PPARD: variants seen among roughly 807,000 people sequenced by gnomAD.
PPARD encodes the protein peroxisome proliferator-activated receptor delta.
Under a neutral mutation model 39.5 loss-of-function variants are expected in PPARD, and 6 were observed. The ratio of observed to expected loss-of-function variants is 0.15; its 90% confidence interval spans 0.08 to 0.30. PPARD has a LOEUF of 0.30. PPARD is among the 10% of genes least tolerant of loss of function. The pLI, the probability that PPARD is intolerant of heterozygous loss-of-function variation, is 1.00. For synonymous variants in PPARD, 210 were observed against 231.3 expected (o/e 0.91, Z 0.83); for missense variants, 397 against 596.8 (o/e 0.67, Z 3.49).
chr6:35,416,826 C>G (rs1765803343), intron 3 of PPARD, among the ~76,000 whole-genome samples: 1 of 152,190 alleles, frequency 6.6e-6, no homozygotes, highest in Non-Finnish European at 1.5e-5. Context: ...TCTTACTGCC[C>G]CTTACCTGGC....
intron 3 of PPARD, among the ~76,000 whole-genome samples, chr6:35,415,967 G>A (rs181827070): frequency 3.2e-4 from 48 of 152,256 alleles, no homozygotes; most frequent in African/African-American, 4.1e-4. Context: ...GTGGGGCCAC[G>A]GTAGGCACTC....
chr6:35,347,238 T>A, intron 2 of PPARD, 88 bp downstream of exon 2: 1 of 1,452,444 alleles, frequency 6.9e-7, no homozygotes, highest in African/African-American at 1.4e-5. Flanking sequence ...ATGAAATAAT[T>A]TCACTAGGGC....
intron 2 of PPARD, among the ~76,000 whole-genome samples, chr6:35,406,157 C>G (rs1227258138): frequency 6.6e-6 from 1 of 152,194 alleles, no homozygotes. Flanking sequence ...AACTCCTAGC[C>G]TCATGTGATC....
chr6:35,397,275 G>A (rs924957355), intron 2 of PPARD, among the ~76,000 whole-genome samples: 3 of 149,768 alleles, frequency 2.0e-5, no homozygotes, highest in African/African-American at 7.4e-5. Flanking sequence ...CAAGAGGATT[G>A]TATAGTTTAA....
At chr6:35,347,263 C>A in intron 2 of PPARD, 113 bp downstream of exon 2, 2 of 1,310,250 alleles carry the variant, frequency 1.5e-6, no homozygotes, top group Non-Finnish European at 2.1e-6. Flanking sequence ...TCCCAGATTC[C>A]AGGTTCCTGT....
At chr6:35,354,697 C>T (rs1219894348) in intron 2 of PPARD, among the ~76,000 whole-genome samples, 2 of 152,098 alleles carry the variant, frequency 1.3e-5, no homozygotes, top group African/African-American at 4.8e-5. Context: ...TGATGTTGCC[C>T]GTAGGCTCAT....
chr6:35,397,929 T>C (rs1318498034), intron 2 of PPARD, among the ~76,000 whole-genome samples: 1 of 151,952 alleles, frequency 6.6e-6, no homozygotes, highest in African/African-American at 2.4e-5. Flanking sequence ...GGTGGGTAAC[T>C]GGGGAGGGGG....
Position 35,424,760 on chromosome 6 carries a change from G to A in PPARD, c.1059G>A (p.Ala353=), listed in dbSNP as rs139511972. The A allele has an allele frequency of 1.2e-4, 196 of 1,614,120 alleles. No homozygotes were observed. The highest frequency in any genetic ancestry group is 4.8e-4 in the Admixed American group (29 of 60,024). The change falls in exon 7 of 8, where the codon GCG becomes GCA. Residue 353 remains alanine (A), a synonymous_variant. Coordinates refer to ENST00000360694, the MANE Select transcript of PPARD (RefSeq NM_006238.5). The surrounding 1 kb of genome is among the most constrained non-coding windows in gnomAD (Gnocchi z 7.1). ...ACAGTGACCTGGCCCTATTCATTGC[G>A]GCCATCATTCTGTGTGGAGGTGAGT... ...LDDSDLALFI[A]AIILCGDRPG...
chr6:35,343,068 A>G (rs1053021221), intron 1 of PPARD, among the ~76,000 whole-genome samples: 3 of 151,376 alleles, frequency 2.0e-5, no homozygotes, highest in African/African-American at 4.9e-5. Flanking sequence ...CCTGCCTCTG[A>G]CCTCTTCCTT....
chr6:35,355,444 TG>T (rs1379472296), intron 2 of PPARD, among the ~76,000 whole-genome samples: 1 of 149,964 alleles, frequency 6.7e-6, no homozygotes, highest in East Asian at 2.0e-4. Flanking sequence ...TCCTACTCCT[TG>T]GGGGGCTGAG....
At chr6:35,370,610 C>CCA (rs151265685) in intron 2 of PPARD, among the ~76,000 whole-genome samples, 4,308 of 152,266 alleles carry the variant, frequency 0.028, 169 homozygotes, top group African/African-American at 0.082. Flanking sequence ...CTGCTCCTCT[C>CCA]CACACACTTC....
chr6:35,412,117 G>T lies in PPARD; in HGVS notation c.130+900G>T, dbSNP rs756108575. On this transcript the variant is annotated intron_variant, in intron 3 of 7. Transcript: ENST00000360694. This position sits in a 1 kb window ranked among gnomAD's most constrained non-coding sequence, Gnocchi z 4.1. ...CTAATTTTTGTATTTTTTTAGTAAA[G>T]ATGGGGTTTCACCATGTTGGCCAGG... 3.9e-5 allele frequency among the ~76,000 whole-genome samples: 6 copies of T among 152,120 alleles called. No individual in the cohort carries two copies. The highest frequency in any genetic ancestry group is 8.8e-5 in the Non-Finnish European group (6 of 68,030).
intron 2 of PPARD, among the ~76,000 whole-genome samples, chr6:35,357,126 G>A (rs893230353): frequency 1.3e-5 from 2 of 152,208 alleles, no homozygotes; most frequent in African/African-American, 4.8e-5. Context: ...ATGTAGACTA[G>A]GGTTGGTCAC....
intron 1 of PPARD, among the ~76,000 whole-genome samples, chr6:35,344,454 G>A (rs543273691): frequency 6.6e-6 from 1 of 151,920 alleles, no homozygotes; most frequent in Non-Finnish European, 1.5e-5. Flanking sequence ...TTCCATGTGT[G>A]TCTGGATGTT....
intron 3 of PPARD, among the ~76,000 whole-genome samples, chr6:35,414,679 A>G (rs951492923): frequency 6.6e-6 from 1 of 152,104 alleles, no homozygotes; most frequent in Non-Finnish European, 1.5e-5. Flanking sequence ...CAGTGGGGGT[A>G]TGTGACACAT....
intron 2 of PPARD, among the ~76,000 whole-genome samples, chr6:35,380,465 TTTTTTTG>T (rs1763075795): frequency 8.6e-6 from 1 of 115,740 alleles, no homozygotes; most frequent in African/African-American, 6.6e-5. Flanking sequence ...TCGTGTTTTT[TTTTTTTG>T]TTTGTTTTTT....
At chr6:35,364,770 C>T (rs920811245) in intron 2 of PPARD, among the ~76,000 whole-genome samples, 7 of 150,988 alleles carry the variant, frequency 4.6e-5, no homozygotes, top group African/African-American at 1.2e-4. Flanking sequence ...AGTGCAGTGG[C>T]GCGATTTCGC....
intron 2 of PPARD, among the ~76,000 whole-genome samples, chr6:35,377,173 G>A (rs1205145095): frequency 1.3e-5 from 2 of 152,154 alleles, no homozygotes; most frequent in Non-Finnish European, 2.9e-5. Context: ...GCTTTAAACC[G>A]CTTCATTTGT....
rs190870080 is a variant in PPARD at position 35,422,001 on chromosome 6, C to A, written c.424+43C>A. 7.8e-5 allele frequency: 122 copies of A among 1,557,974 alleles called. 2 individuals carry two copies. The Admixed American group carries it at 2.2e-3, about 29-fold the overall frequency. On this transcript the variant is annotated intron_variant, in intron 5 of 7. Transcript: ENST00000360694. Reference sequence around the variant, plus strand: ...CAACTCACGGGCTGCTGGCTCCACACAGCCTGAAACCAAGGTCCAGGGAGC... The same window carrying A: ...CAACTCACGGGCTGCTGGCTCCACAAAGCCTGAAACCAAGGTCCAGGGAGC...
Sources: allele counts gnomAD v4.1 joint callset (sites outside exome capture counted in the v4.1 genomes callset), GRCh38; gene constraint gnomAD v4.1.1; non-coding constraint Gnocchi (gnomAD v3.1); transcripts MANE v1.5; gene names NCBI Gene and HGNC (gene_info 2026-07-23, HGNC 2026-07-21).